Variants in ADRA1A observed in about 807,000 individuals in gnomAD.
ADRA1A encodes alpha-1A adrenergic receptor.
Under a neutral mutation model 29.6 loss-of-function variants are expected in ADRA1A, and 31 were observed. That is an observed-to-expected ratio of 1.05 (90% confidence interval 0.79 to 1.41). ADRA1A has a LOEUF of 1.41. ADRA1A is among the 40% of genes most tolerant of loss of function. ADRA1A has a pLI of 0.00. For missense variants in ADRA1A, 619 were observed against 601.1 expected, an observed-to-expected ratio of 1.03 and a Z score of -0.31; for synonymous variants, 311 against 254.3, an observed-to-expected ratio of 1.22 and a Z score of -2.12.
chr8:26,769,065 G>T lies in ADRA1A; in HGVS notation c.*1084C>A. ...GGGAATAATGTACTTGGATCATAAG[G>T]CTCATTCCAACATGCCACAGGTGAA... On this transcript the variant is annotated 3_prime_UTR_variant, in exon 3 of 3. Transcript: ENST00000380573. The T allele has an allele frequency of 1.0e-6, 1 of 985,356 alleles. No homozygotes were observed. Among genetic ancestry groups the T allele is most frequent in the Non-Finnish European group, 1.2e-6 (1 of 829,876 alleles). The allele number at this position is 985,356 out of a possible 1,614,324, so 61.0% of individuals were successfully genotyped here. A position where few individuals can be genotyped will look rare whatever the true frequency, so the allele number is the denominator to read the frequency against.
In ADRA1A at chr8:26,799,130, A is replaced by T. The variant is rs573634589; in HGVS notation, c.884-28464T>A. Among the ~76,000 whole-genome samples, 3 of 152,300 alleles carry T rather than the reference A, an allele frequency of 2.0e-5. No homozygotes were observed. The South Asian group carries it at 6.2e-4, about 32-fold the overall frequency. On this transcript the variant is annotated intron_variant, in intron 2 of 2. Transcript: ENST00000380573. Reference sequence around the variant, plus strand: ...AAAAGTTCATTAATGGGGTCCAGTTATGACACAGTAATGGGTATGATATAC... The same window carrying T: ...AAAAGTTCATTAATGGGGTCCAGTTTTGACACAGTAATGGGTATGATATAC...
At chr8:26,804,919 T>A (rs1808856422) in intron 2 of ADRA1A, among the ~76,000 whole-genome samples, 1 of 152,218 alleles carries the variant, frequency 6.6e-6, no homozygotes, top group Admixed American at 6.5e-5. Context: ...AGCTCATCAG[T>A]GAGGGCAATG....
Position 26,864,768 on chromosome 8 carries a change from G to T in ADRA1A, c.202C>A (p.Leu68Met). ...HSVTHYYIVN[L>M]AVADLLLTST... ...GTGAGCAGGAGGTCGGCCACCGCCA[G>T]GTTGACGATGTAGTAGTGCGTGACT... Residue 68 changes from leucine (L) to methionine (M), a missense_variant, in exon 2 of 3, where the codon CTG becomes ATG. By Grantham distance (15) the Leu-to-Met change is conservative (BLOSUM62 2). Coordinates refer to ENST00000380573, the MANE Select transcript of ADRA1A (RefSeq NM_000680.4). This position sits in a 1 kb window ranked among gnomAD's most constrained non-coding sequence, Gnocchi z 8.1. 6.2e-7 allele frequency: 1 copy of T among 1,614,206 alleles called. No homozygotes were observed.
chr8:26,785,525 C>A (rs974842092), intron 2 of ADRA1A, among the ~76,000 whole-genome samples: 1 of 149,076 alleles, frequency 6.7e-6, no homozygotes, highest in African/African-American at 2.5e-5. Flanking sequence ...GTTTAGAAAT[C>A]TTTCTTTTAA....
At chr8:26,839,302 G>T (rs1321471905) in intron 2 of ADRA1A, among the ~76,000 whole-genome samples, 2 of 151,994 alleles carry the variant, frequency 1.3e-5, no homozygotes, top group African/African-American at 4.8e-5. Context: ...GGGACTACAG[G>T]CTCCTGCCAC....
chr8:26,756,803 C>A (rs1230594334), intron 2 of ADRA1A: 1 of 1,605,562 alleles, frequency 6.2e-7, no homozygotes, highest in South Asian at 1.1e-5. Flanking sequence ...GGTAGACTAA[C>A]ATTTAATTAA....
Position 26,821,182 on chromosome 8 carries a change from G to A in ADRA1A, c.883+42905C>T, listed in dbSNP as rs1267907725. Among the ~76,000 whole-genome samples the A allele has an allele frequency of 2.0e-5, 3 of 152,112 alleles. No individual in the cohort carries two copies. The highest frequency in any genetic ancestry group is 3.9e-4 in the East Asian group (2 of 5,184). Reference sequence around the variant, plus strand: ...TGGGATTACAGGCATGAGCCACCACGCCTGGCCACATTAGGCCATTTTAGT... The same window carrying A: ...TGGGATTACAGGCATGAGCCACCACACCTGGCCACATTAGGCCATTTTAGT... On this transcript the variant is annotated intron_variant, in intron 2 of 2. Coordinates refer to ENST00000380573, the MANE Select transcript of ADRA1A (RefSeq NM_000680.4). This position sits in a 1 kb window ranked among gnomAD's most constrained non-coding sequence, Gnocchi z 5.6.
At chr8:26,801,917 T>C (rs1808609291) in intron 2 of ADRA1A, among the ~76,000 whole-genome samples, 1 of 152,066 alleles carries the variant, frequency 6.6e-6, no homozygotes, top group African/African-American at 2.4e-5. Flanking sequence ...CAAAACTGAA[T>C]GAAGAACCCA....
In ADRA1A at chr8:26,860,545, C is replaced by T. The variant is rs368964514; in HGVS notation, c.883+3542G>A. Among the ~76,000 whole-genome samples, 1 of 152,294 alleles carries T rather than the reference C, an allele frequency of 6.6e-6. No homozygotes were observed. Among genetic ancestry groups the T allele is most frequent in the South Asian group, 2.1e-4 (1 of 4,826 alleles). On this transcript the variant is annotated intron_variant, in intron 2 of 2. Coordinates refer to ENST00000380573, the MANE Select transcript of ADRA1A (RefSeq NM_000680.4). The surrounding 1 kb of genome is among the most constrained non-coding windows in gnomAD (Gnocchi z 4.7). Reference sequence around the variant, plus strand: ...ACTTCCCAGTGACTCTACCAAACTTCCATAAAATGTTTACTGTCCCACTCT... The same window carrying T: ...ACTTCCCAGTGACTCTACCAAACTTTCATAAAATGTTTACTGTCCCACTCT...
chr8:26,820,719 A>G (rs1206741655), intron 2 of ADRA1A, among the ~76,000 whole-genome samples: 1 of 152,232 alleles, frequency 6.6e-6, no homozygotes, highest in East Asian at 1.9e-4. Context: ...CGGCTTGATG[A>G]CACTGAGATT....
At chr8:26,756,096 T>C (rs1205983111), downstream of ADRA1A, among the ~76,000 whole-genome samples, 1 of 152,234 alleles carries the variant, frequency 6.6e-6, no homozygotes, top group Non-Finnish European at 1.5e-5. Flanking sequence ...AATAAAACTT[T>C]AAAGCAAATT....
chr8:26,861,380 C>A (rs1184621920), intron 2 of ADRA1A, among the ~76,000 whole-genome samples: 3 of 147,610 alleles, frequency 2.0e-5, no homozygotes, highest in Non-Finnish European at 4.4e-5. Context: ...CGGCTCACTG[C>A]AACCTCTGCC....
intron 2 of ADRA1A, among the ~76,000 whole-genome samples, chr8:26,858,317 C>A (rs1813194274): frequency 6.6e-6 from 1 of 152,196 alleles, no homozygotes; most frequent in Non-Finnish European, 1.5e-5. Context: ...GTGATTGTTG[C>A]CTTTTCATCT....
chr8:26,835,557 A>T (rs1811286572), intron 2 of ADRA1A, among the ~76,000 whole-genome samples: 2 of 152,192 alleles, frequency 1.3e-5, no homozygotes, highest in Admixed American at 1.3e-4. Flanking sequence ...AGCCCCTTAT[A>T]AAACCATCAG....
chr8:26,803,873 A>G (rs1409554425), intron 2 of ADRA1A, among the ~76,000 whole-genome samples: 1 of 151,440 alleles, frequency 6.6e-6, no homozygotes, highest in African/African-American at 2.4e-5. Flanking sequence ...AGATACTACC[A>G]CATACCTACT....
In ADRA1A at chr8:26,864,069, G is replaced by A. The variant is rs779037227; in HGVS notation, c.883+18C>T. 8.1e-6 allele frequency: 13 copies of A among 1,601,508 alleles called. No homozygotes were observed. The Admixed American group carries it at 8.5e-5, about 11-fold the overall frequency. ...TGAAGACCCCCAGATGCTAAAGTGA[G>A]GGGTGTTCAAGACTTACCAATGGGC... On this transcript the variant is annotated intron_variant, in intron 2 of 2. Coordinates refer to ENST00000380573, the MANE Select transcript of ADRA1A (RefSeq NM_000680.4). The surrounding 1 kb of genome is among the most constrained non-coding windows in gnomAD (Gnocchi z 8.1).
intron 2 of ADRA1A, among the ~76,000 whole-genome samples, chr8:26,838,855 G>T (rs1811583996): frequency 6.6e-6 from 1 of 152,124 alleles, no homozygotes; most frequent in Admixed American, 6.5e-5. Flanking sequence ...TCTGCATAGG[G>T]CCACCCCCTC....
chr8:26,753,194 G>C (rs1375563056), downstream of ADRA1A, among the ~76,000 whole-genome samples: 1 of 152,182 alleles, frequency 6.6e-6, no homozygotes, highest in Admixed American at 6.5e-5. Context: ...AAACACAGCT[G>C]TGTTGTCTGT....
intron 2 of ADRA1A, chr8:26,771,924 C>T (rs1208013561): frequency 1.3e-5 from 2 of 152,534 alleles, no homozygotes; most frequent in African/African-American, 4.8e-5. Flanking sequence ...TTTGGCCTGG[C>T]TTGTCTGCCA....
Sources: gnomAD v4.1 joint callset for allele counts (sites outside exome capture counted in the v4.1 genomes callset) on GRCh38, gnomAD v4.1.1 for gene constraint, Gnocchi (gnomAD v3.1) non-coding constraint, MANE v1.5 for transcripts, NCBI Gene and HGNC (gene_info 2026-07-23, HGNC 2026-07-21) for gene names.